The following PRKG2 variants were observed in gnomAD, a reference collection of about 807,000 sequenced individuals.
The protein encoded by PRKG2 is protein kinase cGMP-dependent 2.
Under a neutral mutation model 97.2 loss-of-function variants are expected in PRKG2, and 33 were observed. The ratio of observed to expected loss-of-function variants is 0.34; its 90% CI spans 0.26 to 0.45. PRKG2 has a LOEUF of 0.45. Among genes scored for constraint, PRKG2 ranks in the 20% least tolerant of loss-of-function variants. The pLI is 1.00. For synonymous variants in PRKG2, 330 were observed against 321.8 expected (o/e 1.03, Z -0.27); for missense variants, 638 against 900.0 (o/e 0.71, Z 3.73).
chr4:81,191,173 G>T (rs1752452680), intron 2 of PRKG2, among the ~76,000 whole-genome samples: 1 of 152,058 alleles, frequency 6.6e-6, no homozygotes, highest in South Asian at 2.1e-4. Flanking sequence ...GCAAAGACTT[G>T]GAACCAATCC....
chr4:81,129,001 T>A (rs1318176818), intron 14 of PRKG2, among the ~76,000 whole-genome samples: 1 of 152,202 alleles, frequency 6.6e-6, no homozygotes, highest in Non-Finnish European at 1.5e-5. Flanking sequence ...TCCCAGAAAT[T>A]CTGGTATGTT....
chr4:81,105,795 A>C lies in PRKG2; in HGVS notation c.2063+18T>G. 6.2e-7 allele frequency: 1 copy of C among 1,613,354 alleles called. No individual in the cohort carries two copies. The highest frequency in any genetic ancestry group is 8.5e-7 in the Non-Finnish European group (1 of 1,179,480). ...TAGACTTTCTTCAAGACAAGGGGTTACTGACTGTCATTCTCACCTGCAAAG... is the reference window on the plus strand; with the variant it reads ...TAGACTTTCTTCAAGACAAGGGGTTCCTGACTGTCATTCTCACCTGCAAAG... On this transcript the variant is annotated intron_variant, in intron 16 of 18. Transcript: ENST00000264399.
intron 1 of PRKG2, among the ~76,000 whole-genome samples, chr4:81,208,866 A>G (rs1346132028): frequency 6.6e-6 from 1 of 152,194 alleles, no homozygotes; most frequent in Non-Finnish European, 1.5e-5. Flanking sequence ...TATGAATGAC[A>G]CGGAGCCAGT....
In PRKG2 at chr4:81,110,511, C is replaced by T. The variant is rs2109980689; in HGVS notation, c.1877G>A (p.Gly626Glu). ...YVAPEVILNK[G>E]HDFSVDFWSL... is the part of the protein sequence containing the mutation. ...CCAGAAATCCACACTGAAGTCATGT[C>T]CCTTGTTGAGAATGACTTCAGGAGC... Residue 626 changes from glycine (G) to glutamate (E), a missense_variant, in exon 15 of 19, where the codon GGA becomes GAA. This residue lies in a region of PRKG2 where 304 missense variants were observed against 460.5 expected (regional missense o/e 0.66). Transcript: ENST00000264399. The T allele has an allele frequency of 6.2e-7, 1 of 1,613,904 alleles. No individual in the cohort carries two copies. The highest frequency in any genetic ancestry group is 8.5e-7 in the Non-Finnish European group (1 of 1,179,914).
intron 2 of PRKG2, 52 bp downstream of exon 2, chr4:81,204,533 CAT>C: frequency 6.8e-7 from 1 of 1,476,632 alleles, no homozygotes; most frequent in Non-Finnish European, 9.3e-7. Flanking sequence ...ATGTCACTCT[CAT>C]ATTTCACAAT....
At chr4:81,132,542 A>G (rs1746280718) in intron 14 of PRKG2, among the ~76,000 whole-genome samples, 1 of 152,130 alleles carries the variant, frequency 6.6e-6, no homozygotes, top group South Asian at 2.1e-4. Context: ...TTATACACTG[A>G]AGAATGTCCT....
chr4:81,193,796 C>T (rs1752762644), intron 2 of PRKG2, among the ~76,000 whole-genome samples: 1 of 152,172 alleles, frequency 6.6e-6, no homozygotes, highest in South Asian at 2.1e-4. Context: ...GCTGAGATCA[C>T]ACTACGGCAC....
upstream of PRKG2, among the ~76,000 whole-genome samples, chr4:81,216,267 A>T (rs1754269536): frequency 6.6e-6 from 1 of 152,164 alleles, no homozygotes; most frequent in Non-Finnish European, 1.5e-5. Context: ...GGAGGAATAT[A>T]GTCCTGTTTG....
intron 17 of PRKG2, among the ~76,000 whole-genome samples, chr4:81,102,244 A>C (rs867445712): frequency 1.3e-5 from 2 of 152,214 alleles, no homozygotes; most frequent in African/African-American, 4.8e-5. Context: ...TTGCATGTGC[A>C]TCTAATGACA....
At chr4:81,154,597 T>A (rs2110063120) in intron 6 of PRKG2, among the ~76,000 whole-genome samples, 1 of 147,834 alleles carries the variant, frequency 6.8e-6, no homozygotes, top group East Asian at 2.0e-4. Context: ...AGAAAGGACA[T>A]CCACAGCAAA....
intron 2 of PRKG2, among the ~76,000 whole-genome samples, chr4:81,195,177 T>C (rs922061450): frequency 1.3e-5 from 2 of 152,142 alleles, no homozygotes; most frequent in African/African-American, 2.4e-5. Context: ...ATCAATTAGG[T>C]AATTAACAAG....
Position 81,144,219 on chromosome 4 carries a change from T to G in PRKG2, c.1253+13A>C. ...AAGTCAGCTCCGGCTCAGGAAAACATTCCTCCACTTACTTCGCATGTCTTT... is the reference window on the plus strand; with the variant it reads ...AAGTCAGCTCCGGCTCAGGAAAACAGTCCTCCACTTACTTCGCATGTCTTT... On this transcript the variant is annotated intron_variant, in intron 10 of 18. Coordinates refer to ENST00000264399, the MANE Select transcript of PRKG2 (RefSeq NM_006259.3). 6.3e-7 allele frequency: 1 copy of G among 1,587,750 alleles called. No homozygotes were observed. Among genetic ancestry groups the G allele is most frequent in the Non-Finnish European group, 8.6e-7 (1 of 1,156,386 alleles).
chr4:81,159,868 T>G (rs1749457326), intron 6 of PRKG2, among the ~76,000 whole-genome samples: 1 of 148,828 alleles, frequency 6.7e-6, no homozygotes, highest in Non-Finnish European at 1.5e-5. Context: ...AACAAAAAAC[T>G]AAACACCGCA....
rs1751744529 is a variant in PRKG2 at position 81,184,997 on chromosome 4, T to TG, written c.462-10039_462-10038insC. Among the ~76,000 whole-genome samples the TG allele has an allele frequency of 2.0e-5, 3 of 146,390 alleles. No individual in the cohort carries two copies. In the South Asian group the frequency reaches 6.5e-4, roughly 32 times the overall value. On this transcript the variant is annotated intron_variant, in intron 2 of 18. Coordinates refer to ENST00000264399, the MANE Select transcript of PRKG2 (RefSeq NM_006259.3). ...AATATGTGAAAAGACCAAACTTACA[T>TG]TTGAGTGGTATACCTGAAAGTGATG...
chr4:81,144,257 G>C lies in PRKG2; in HGVS notation c.1228C>G (p.Arg410Gly). ...TTCGCATGTCTTTTTTCATCATCACGGTTCAGGTTTGCCACATATCCTTCA... is the reference window on the plus strand; with the variant it reads ...TTCGCATGTCTTTTTTCATCATCACCGTTCAGGTTTGCCACATATCCTTCA... ...YLEGYVANLN[R>G]DDEKRHAKRS... Residue 410 changes from arginine to glycine, a missense_variant, in exon 10 of 19, where the codon CGT becomes GGT. Physicochemically the swap from Arg to Gly is moderately radical, Grantham distance 125. This residue lies in a region of PRKG2 where 304 missense variants were observed against 460.5 expected (regional missense o/e 0.66). Transcript: ENST00000264399. 1.2e-6 allele frequency: 2 copies of C among 1,610,994 alleles called. No individual in the cohort carries two copies. The highest frequency in any genetic ancestry group is 1.7e-4 in the Middle Eastern group (1 of 6,054).
upstream of PRKG2, among the ~76,000 whole-genome samples, chr4:81,215,720 G>A (rs913265298): frequency 2.0e-5 from 3 of 150,910 alleles, no homozygotes; most frequent in African/African-American, 2.4e-5. Context: ...CCCGGACTCT[G>A]GGGCCATAAC....
At chr4:81,173,760 T>C (rs1750686532) in intron 3 of PRKG2, 1 of 152,034 alleles carries the variant, frequency 6.6e-6, no homozygotes, top group African/African-American at 2.4e-5. Flanking sequence ...TTTGTTTAGA[T>C]AGACAACTTC....
chr4:81,209,135 G>A (rs570577440), intron 1 of PRKG2, among the ~76,000 whole-genome samples: 5 of 152,156 alleles, frequency 3.3e-5, no homozygotes, highest in Non-Finnish European at 5.9e-5. Context: ...TAATGTAATC[G>A]CCATTTAGAA....
intron 10 of PRKG2, 103 bp from the exon 11 acceptor site, chr4:81,143,050 C>T: frequency 2.2e-6 from 3 of 1,376,234 alleles, no homozygotes; most frequent in Non-Finnish European, 1.9e-6. Context: ...TCTGCTGTAA[C>T]TATGATTTAT....
Sources: allele counts gnomAD v4.1 joint callset (sites outside exome capture counted in the v4.1 genomes callset), GRCh38; gene constraint gnomAD v4.1.1; regional missense constraint gnomAD v4.1.1; transcripts MANE v1.5; gene names NCBI Gene and HGNC (gene_info 2026-07-23, HGNC 2026-07-21).